The following NR4A1 variants were observed in gnomAD, a reference collection of about 807,000 sequenced individuals.
The protein encoded by NR4A1 is nuclear receptor subfamily 4immunitygroup A member 1.
A neutral mutation model predicts 47.5 loss-of-function variants in NR4A1; 24 were observed. The ratio of observed to expected loss-of-function variants is 0.50; its 90% CI spans 0.37 to 0.71. NR4A1 has a LOEUF of 0.71. Among genes scored for constraint, NR4A1 ranks in the 30% least tolerant of loss-of-function variants. NR4A1 has a pLI of 0.00. For missense variants in NR4A1, 669 were observed against 788.6 expected (o/e 0.85, Z 1.82); for synonymous variants, 353 against 345.7 (o/e 1.02, Z -0.24).
At chr12:52,023,909 C>T (rs1937945185) in intron 1 of NR4A1, among the ~76,000 whole-genome samples, 1 of 152,224 alleles carries the variant, frequency 6.6e-6, no homozygotes, top group Non-Finnish European at 1.5e-5. Context: ...CGTCACCTCG[C>T]CCCCGGCCCG....
chr12:52,032,378 G>A (rs1200845695), intron 1 of NR4A1, among the ~76,000 whole-genome samples: 2 of 152,200 alleles, frequency 1.3e-5, no homozygotes, highest in African/African-American at 2.4e-5. Context: ...ACCTTCAGAC[G>A]CGGACTGGAA....
chr12:52,051,252 G>GCCCCCCCTCCTCGCCCCGC (rs1938916151), upstream of NR4A1: 1 of 202,006 alleles, frequency 5.0e-6, no homozygotes, highest in Non-Finnish European at 8.8e-6. Flanking sequence ...GACATTCCAG[G>GCCCCCCCTCCTCGCCCCGC]CCCCCCCTCC....
At chr12:52,029,970 G>A (rs377592147) in intron 1 of NR4A1, among the ~76,000 whole-genome samples, 7 of 152,276 alleles carry the variant, frequency 4.6e-5, no homozygotes, top group South Asian at 2.1e-4. Flanking sequence ...CCCTCAGGGC[G>A]GTGGCTGCTG....
Position 52,034,598 on chromosome 12 carries a change from G to A in NR4A1, c.-83-7212G>A, listed in dbSNP as rs143073869. On this transcript the variant is annotated intron_variant, in intron 1 of 7. Coordinates refer to the NR4A1 transcript ENST00000360284. ...CTGGGTAGAAAGAGCACTGGCCTGG[G>A]AGTCAGAAGACCAGGGCTATGGAGA... Among the ~76,000 whole-genome samples the A allele has an allele frequency of 3.9e-3, 595 of 152,360 alleles. 3 individuals carry two copies. The highest frequency in any genetic ancestry group is 0.017 in the Middle Eastern group (5 of 294).
intron 1 of NR4A1, among the ~76,000 whole-genome samples, chr12:52,036,604 G>A (rs1487099350): frequency 6.6e-6 from 1 of 152,010 alleles, no homozygotes; most frequent in Admixed American, 6.5e-5. Flanking sequence ...GCTTTGCCGG[G>A]GCCTGCACCC....
In NR4A1 at chr12:52,058,696, G is replaced by A. The variant is rs767968003; in HGVS notation, c.1549G>A (p.Gly517Arg). 2.5e-6 allele frequency: 4 copies of A among 1,605,586 alleles called. No homozygotes were observed. Among genetic ancestry groups the A allele is most frequent in the Non-Finnish European group, 3.4e-6 (4 of 1,176,546 alleles). ...SALVLITDRH[G>R]LQEPRRVEEL... ...CTGTACCCTTCCCGCAGACCGGCATGGGCTGCAGGAGCCGCGGCGGGTGGA... is the reference window on the plus strand; with the variant it reads ...CTGTACCCTTCCCGCAGACCGGCATAGGCTGCAGGAGCCGCGGCGGGTGGA... Residue 517 changes from glycine (G) to arginine (R), a missense_variant, in exon 7 of 7, where the codon GGG (glycine) becomes AGG (arginine). Physicochemically the swap from Gly to Arg is moderately radical, Grantham distance 125 (BLOSUM62 -2). Transcript: ENST00000394825.
chr12:52,056,446 C>T (rs779214244), intron 3 of NR4A1, 48 bp from the exon 4 acceptor site: 6 of 1,595,100 alleles, frequency 3.8e-6, no homozygotes, highest in Non-Finnish European at 5.1e-6. Flanking sequence ...GGCTGAGAGG[C>T]CCTTCCTCAG....
intron 2 of NR4A1, chr12:52,055,560 T>C (rs1939217742): frequency 7.7e-6 from 4 of 519,970 alleles, no homozygotes; most frequent in Non-Finnish European, 1.4e-5. Flanking sequence ...CAGGCTCTCA[T>C]GTTCCTGGCG....
At position 52,059,102 on chromosome 12, in the gene NR4A1, C is replaced by T; in HGVS notation, c.*158C>T. 2.1e-6 allele frequency: 2 copies of T among 949,744 alleles called. No individual in the cohort carries two copies. The highest frequency in any genetic ancestry group is 3.0e-6 in the Non-Finnish European group (2 of 657,696). 58.8% of individuals were successfully genotyped at this position (949,744 alleles called of 1,614,324 possible). ...AGGAGGTTTGCAGGGAGCTCAAGCC[C>T]TTGGGGAGGGGGATGCCTTCATGGG... On this transcript the variant is annotated 3_prime_UTR_variant, in exon 7 of 7. Transcript: ENST00000394825.
chr12:52,037,180 G>A, intron 1 of NR4A1: 1 of 161,050 alleles, frequency 6.2e-6, no homozygotes, highest in African/African-American at 2.4e-5. Flanking sequence ...GCGGCCGCGG[G>A]CGCGGGGGCG....
chr12:52,039,437 G>T (rs1473047164), intron 1 of NR4A1, among the ~76,000 whole-genome samples: 1 of 152,230 alleles, frequency 6.6e-6, no homozygotes, highest in African/African-American at 2.4e-5. Flanking sequence ...CAGTGCAGGG[G>T]ACAGAGCTGG....
At chr12:52,036,866 C>T (rs564457842) in intron 1 of NR4A1, among the ~76,000 whole-genome samples, 4 of 152,196 alleles carry the variant, frequency 2.6e-5, no homozygotes, top group Admixed American at 6.5e-5. Flanking sequence ...GGGGAAGCCC[C>T]GGCTAAGTTT....
upstream of NR4A1, among the ~76,000 whole-genome samples, chr12:52,049,183 C>G (rs1938796260): frequency 6.6e-6 from 1 of 152,178 alleles, no homozygotes; most frequent in Admixed American, 6.5e-5. Flanking sequence ...TGCGAATACT[C>G]AAGTCCCACT....
upstream of NR4A1, among the ~76,000 whole-genome samples, chr12:52,050,257 G>A (rs1051510727): frequency 7.2e-5 from 11 of 152,244 alleles, no homozygotes; most frequent in Admixed American, 3.3e-4. Context: ...TCACTCCACC[G>A]GGCAGGTGAT....
intron 1 of NR4A1, among the ~76,000 whole-genome samples, chr12:52,028,004 C>A (rs1293805691): frequency 1.3e-5 from 2 of 151,838 alleles, no homozygotes; most frequent in African/African-American, 4.8e-5. Context: ...GAGTTTGAGA[C>A]CAGCCTGGGC....
upstream of NR4A1, among the ~76,000 whole-genome samples, chr12:52,047,089 G>A (rs1005268076): frequency 6.6e-6 from 1 of 152,100 alleles, no homozygotes; most frequent in African/African-American, 2.4e-5. Flanking sequence ...GCCCTTCCAT[G>A]TTGTCATGGC....
upstream of NR4A1, among the ~76,000 whole-genome samples, chr12:52,048,219 A>G (rs546033077): frequency 1.3e-5 from 2 of 152,148 alleles, no homozygotes; most frequent in South Asian, 4.1e-4. Flanking sequence ...AGACTGGTCA[A>G]GCCACAGATA....
At chr12:52,038,622 T>C (rs1192578764) in intron 1 of NR4A1, 15 of 704,908 alleles carry the variant, frequency 2.1e-5, no homozygotes, top group Non-Finnish European at 5.2e-6. Flanking sequence ...CTAGATCTAC[T>C]CCAAGTGAAC....
chr12:52,057,326 G>A (rs753010517), intron 5 of NR4A1, 26 bp from the exon 6 acceptor site: 36 of 1,613,792 alleles, frequency 2.2e-5, no homozygotes, highest in Admixed American at 1.0e-4. Flanking sequence ...CACCCTGATC[G>A]CTCTTCGTGC....
Sources: gnomAD v4.1 joint callset for allele counts (sites outside exome capture counted in the v4.1 genomes callset) on GRCh38, gnomAD v4.1.1 for gene constraint, MANE v1.5 for transcripts, NCBI Gene and HGNC (gene_info 2026-07-23, HGNC 2026-07-21) for gene names.